CCDC170: variants seen among roughly 807,000 people sequenced by gnomAD.
CCDC170 encodes coiled-coil domain-containing protein 170.
Under a neutral mutation model 72.6 loss-of-function variants are expected in CCDC170, and 69 were observed. The observed-to-expected ratio is 0.95, with a 90% CI of 0.78 to 1.16. CCDC170 has a LOEUF of 1.16. Among genes scored for constraint, CCDC170 ranks in the 50% most tolerant of loss-of-function variants. The probability of loss-of-function intolerance (pLI) is 0.00; values close to 1 mark genes in which losing one functional copy is unlikely to be tolerated. For missense variants in CCDC170, 852 were observed against 832.5 expected (o/e 1.02, Z -0.29); for synonymous variants, 300 against 303.9 (o/e 0.99, Z 0.13).
chr6:151,617,956 T>A lies in CCDC170; in HGVS notation c.1957T>A (p.Phe653Ile). ...AEKREKQLAD[F>I]REVVSQMLGL... Reference sequence around the variant, plus strand: ...CTGTTTGATATTGCAGCTGGCAGACTTCAGGGAGGTGGTGTCGCAGATGCT... The same window carrying A: ...CTGTTTGATATTGCAGCTGGCAGACATCAGGGAGGTGGTGTCGCAGATGCT... Residue 653 changes from phenylalanine (F) to isoleucine (I), a missense_variant, in exon 11 of 11, where the codon TTC (phenylalanine) becomes ATC (isoleucine). Transcript: ENST00000239374. 1 of 1,613,452 alleles carries A rather than the reference T, an allele frequency of 6.2e-7. No individual in the cohort carries two copies. Among genetic ancestry groups the A allele is most frequent in the Non-Finnish European group, 8.5e-7 (1 of 1,179,530 alleles).
intron 5 of CCDC170, among the ~76,000 whole-genome samples, chr6:151,566,267 T>C (rs916161488): frequency 6.6e-6 from 1 of 152,250 alleles, no homozygotes; most frequent in African/African-American, 2.4e-5. Context: ...TCCTTCTACA[T>C]GAGTCTTCCA....
At chr6:151,508,285 C>G (rs959375460) in intron 1 of CCDC170, among the ~76,000 whole-genome samples, 1 of 152,200 alleles carries the variant, frequency 6.6e-6, no homozygotes, top group African/African-American at 2.4e-5. Context: ...CGCCTATAAT[C>G]CCAGCACTTT....
Position 151,548,365 on chromosome 6 carries a change from C to T in CCDC170, c.650C>T (p.Thr217Ile). 6.2e-7 allele frequency: 1 copy of T among 1,612,746 alleles called. No homozygotes were observed. The highest frequency in any genetic ancestry group is 8.5e-7 in the Non-Finnish European group (1 of 1,179,196). Reference sequence around the variant, plus strand: ...GGACAAATTGTTATTCTTGAAGAGACTATAAATGTCCATGAGATGGAAGCA... The same window carrying T: ...GGACAAATTGTTATTCTTGAAGAGATTATAAATGTCCATGAGATGGAAGCA... Reference protein sequence around the residue: ...VKGQIVILEETINVHEMEAKA... With the variant: ...VKGQIVILEEIINVHEMEAKA... The change falls in exon 5 of 11, where the codon ACT (threonine) becomes ATT (isoleucine). Residue 217 changes from threonine (T) to isoleucine (I), a missense_variant. Transcript: ENST00000239374.
intron 9 of CCDC170, among the ~76,000 whole-genome samples, chr6:151,607,269 C>G (rs1758327018): frequency 6.6e-6 from 1 of 152,100 alleles, no homozygotes; most frequent in Non-Finnish European, 1.5e-5. Flanking sequence ...GGAATTTAAA[C>G]TATTTACATT....
chr6:151,515,900 T>C (rs1782227987), intron 1 of CCDC170, among the ~76,000 whole-genome samples: 1 of 151,934 alleles, frequency 6.6e-6, no homozygotes, highest in Non-Finnish European at 1.5e-5. Context: ...ACCCTGTCTC[T>C]ACTAAAAATA....
At chr6:151,556,799 C>T (rs1313564235) in intron 5 of CCDC170, among the ~76,000 whole-genome samples, 1 of 148,346 alleles carries the variant, frequency 6.7e-6, no homozygotes, top group South Asian at 2.2e-4. Flanking sequence ...TATAGTCACC[C>T]TACTCGCTGA....
intron 1 of CCDC170, 114 bp from the exon 2 acceptor site, chr6:151,536,204 A>G: frequency 8.3e-7 from 1 of 1,208,788 alleles, no homozygotes; most frequent in East Asian, 2.4e-5. Context: ...AGCATGTTTG[A>G]CATATTTGGA....
intron 3 of CCDC170, among the ~76,000 whole-genome samples, chr6:151,539,220 C>T (rs1015145701): frequency 6.6e-6 from 1 of 151,604 alleles, no homozygotes; most frequent in African/African-American, 2.4e-5. Context: ...GAGATCACAC[C>T]ACTGTACTCC....
At position 151,514,373 on chromosome 6, in the gene CCDC170, G is replaced by GAGGAAGGAAGGA. The variant is rs1184730408; in HGVS notation, c.57+20204_57+20215dup. ...GGAGGGAGGGAGGGAGGGAGGGAGGGAGGAAGGAAGGAAGGAAGGAAGGAA... is the reference window on the plus strand; with the variant it reads ...GGAGGGAGGGAGGGAGGGAGGGAGGGAGGAAGGAAGGAAGGAAGGAAGGAAGGAAGGAAGGAA... On this transcript the variant is annotated intron_variant, in intron 1 of 10. Coordinates refer to ENST00000239374, the MANE Select transcript of CCDC170 (RefSeq NM_025059.4). Among the ~76,000 whole-genome samples, 10 of 107,110 alleles carry GAGGAAGGAAGGA rather than the reference G, an allele frequency of 9.3e-5. No homozygotes were observed. The East Asian group carries it at 2.5e-3, about 27-fold the overall frequency. 70.3% of individuals were successfully genotyped at this position (107,110 alleles called of 152,430 possible).
chr6:151,588,683 A>G (rs559771229), intron 7 of CCDC170, among the ~76,000 whole-genome samples: 1 of 152,252 alleles, frequency 6.6e-6, no homozygotes, highest in South Asian at 2.1e-4. Context: ...GCTCACACCT[A>G]TAATCCCAGC....
chr6:151,581,708 A>G (rs939692684), intron 6 of CCDC170, among the ~76,000 whole-genome samples: 21 of 152,234 alleles, frequency 1.4e-4, no homozygotes, highest in Non-Finnish European at 2.8e-4. Flanking sequence ...TAGCCTTATG[A>G]AGTATATTTC....
At chr6:151,549,622 T>C (rs752943933) in intron 5 of CCDC170, among the ~76,000 whole-genome samples, 10 of 152,122 alleles carry the variant, frequency 6.6e-5, no homozygotes, top group Non-Finnish European at 1.5e-4. Context: ...AGACGGGGTC[T>C]CACTATGTTG....
chr6:151,534,488 C>T (rs908380891), intron 1 of CCDC170, among the ~76,000 whole-genome samples: 25 of 152,118 alleles, frequency 1.6e-4, no homozygotes, highest in Admixed American at 9.8e-4. Flanking sequence ...GGTGAAATCT[C>T]TTATAAGTGA....
At chr6:151,582,548 G>A (rs772578117) in intron 6 of CCDC170, among the ~76,000 whole-genome samples, 1 of 152,078 alleles carries the variant, frequency 6.6e-6, no homozygotes, top group Non-Finnish European at 1.5e-5. Context: ...CTTATCATTT[G>A]TGTGTGTCTT....
rs1229730386 is a variant in CCDC170 at position 151,620,163 on chromosome 6, A to G, written c.*2016A>G. The stretch of plus-strand genomic sequence containing the variant: ...GTGAAGATCTTCTTTTAGGAAAACT[A>G]CCAATAAATGTAGAATGGATGATTC... On this transcript the variant is annotated 3_prime_UTR_variant, in exon 11 of 11. Transcript: ENST00000239374. 2.0e-5 allele frequency: 3 copies of G among 147,654 alleles called. No homozygotes were observed. Among genetic ancestry groups the G allele is most frequent in the African/African-American group, 5.0e-5 (2 of 40,384 alleles). The allele number at this position is 147,654 out of a possible 1,614,324, so 9.1% of individuals were successfully genotyped here. A position where few individuals can be genotyped will look rare whatever the true frequency, so the allele number is the denominator to read the frequency against.
intron 1 of CCDC170, among the ~76,000 whole-genome samples, chr6:151,508,539 A>G (rs959175141): frequency 6.6e-6 from 1 of 151,810 alleles, no homozygotes; most frequent in African/African-American, 2.4e-5. Flanking sequence ...ACTCCATCTG[A>G]AAAAAACCAA....
intron 6 of CCDC170, among the ~76,000 whole-genome samples, chr6:151,581,602 T>A (rs759780178): frequency 3.9e-5 from 6 of 152,258 alleles, no homozygotes; most frequent in Non-Finnish European, 7.3e-5. Context: ...GATTTATGAA[T>A]GTCCTTAATG....
In CCDC170 at chr6:151,618,265, A is replaced by G; in HGVS notation, c.*118A>G. On this transcript the variant is annotated 3_prime_UTR_variant, in exon 11 of 11. Transcript: ENST00000239374. Reference sequence around the variant, plus strand: ...TGAATATTTTATGCTTTGATGATATAGTGAGAATGCATCACTTGCAAAAAC... The same window carrying G: ...TGAATATTTTATGCTTTGATGATATGGTGAGAATGCATCACTTGCAAAAAC... The G allele has an allele frequency of 2.3e-6, 2 of 887,542 alleles. No homozygotes were observed. Among genetic ancestry groups the G allele is most frequent in the East Asian group, 5.2e-5 (2 of 38,660 alleles). The allele number at this position is 887,542 out of a possible 1,614,324, so 55.0% of individuals were successfully genotyped here. A position where few individuals can be genotyped will look rare whatever the true frequency, so the allele number is the denominator to read the frequency against.
intron 1 of CCDC170, among the ~76,000 whole-genome samples, chr6:151,533,141 C>T (rs1444826750): frequency 9.3e-5 from 14 of 151,058 alleles, no homozygotes; most frequent in Non-Finnish European, 1.9e-4. Context: ...GCAAGCTCCA[C>T]CTCCCAGGTT....
Sources: gnomAD v4.1 joint callset for allele counts (sites outside exome capture counted in the v4.1 genomes callset) on GRCh38, gnomAD v4.1.1 for gene constraint, MANE v1.5 for transcripts, NCBI Gene and HGNC (gene_info 2026-07-23, HGNC 2026-07-21) for gene names.